CCDC7: variants seen among roughly 807,000 people sequenced by gnomAD.
The protein encoded by CCDC7 is coiled-coil domain-containing protein 7.
A neutral mutation model predicts 196.9 loss-of-function variants in CCDC7; 183 were observed. The ratio of observed to expected loss-of-function variants is 0.93; its 90% confidence interval spans 0.82 to 1.05. The LOEUF (loss-of-function observed/expected upper bound fraction) is 1.05, where lower values mean the gene tolerates loss of function less well. Among genes scored for constraint, CCDC7 ranks in the 50% least tolerant of loss-of-function variants. The probability of loss-of-function intolerance (pLI) is 0.00; values close to 1 mark genes in which losing one functional copy is unlikely to be tolerated. For synonymous variants in CCDC7, 525 were observed against 484.6 expected (o/e 1.08, Z -1.10); for missense variants, 1,540 against 1,482.2 (o/e 1.04, Z -0.64).
chr10:32,454,925 G>A (rs563939805), intron 2 of CCDC7, among the ~76,000 whole-genome samples: 4 of 152,232 alleles, frequency 2.6e-5, no homozygotes, highest in South Asian at 2.1e-4. Flanking sequence ...TTTAGTGTCC[G>A]AAATCCTCCT....
At chr10:32,847,557 A>G (rs915387244) in intron 37 of CCDC7, among the ~76,000 whole-genome samples, 2 of 152,148 alleles carry the variant, frequency 1.3e-5, no homozygotes, top group Non-Finnish European at 2.9e-5. Context: ...TCTACAAAAA[A>G]TACAAAAATT....
intron 32 of CCDC7, among the ~76,000 whole-genome samples, chr10:32,830,757 G>C (rs1395394993): frequency 1.3e-5 from 2 of 152,108 alleles, no homozygotes; most frequent in African/African-American, 4.8e-5. Flanking sequence ...TAAATTTAAA[G>C]TAATAGGATT....
intron 33 of CCDC7, among the ~76,000 whole-genome samples, chr10:32,839,558 G>T (rs1162654582): frequency 6.6e-6 from 1 of 151,912 alleles, no homozygotes; most frequent in Non-Finnish European, 1.5e-5. Flanking sequence ...AATAGTGGGG[G>T]ACTTTAATAC....
chr10:32,697,399 G>A (rs1357849105), intron 24 of CCDC7, among the ~76,000 whole-genome samples: 5 of 152,168 alleles, frequency 3.3e-5, no homozygotes, highest in Non-Finnish European at 5.9e-5. Flanking sequence ...AAGCACTAGG[G>A]GTCAGGGAAT....
intron 25 of CCDC7, among the ~76,000 whole-genome samples, chr10:32,712,551 A>G (rs1171038850): frequency 2.0e-5 from 3 of 152,204 alleles, no homozygotes. Flanking sequence ...CAGAAAGTTA[A>G]TGCTTCTTCC....
At chr10:32,454,609 A>G (rs2033902252) in intron 2 of CCDC7, among the ~76,000 whole-genome samples, 1 of 152,098 alleles carries the variant, frequency 6.6e-6, no homozygotes, top group Non-Finnish European at 1.5e-5. Context: ...ATAAAATAAA[A>G]TGAAATTAAG....
At chr10:32,824,400 TTTA>T in intron 31 of CCDC7, 115 bp from the exon 33 acceptor site, 1 of 574,994 alleles carries the variant, frequency 1.7e-6, no homozygotes, top group Non-Finnish European at 3.0e-6. Flanking sequence ...ATCTGGACAC[TTTA>T]TTATAATTCT....
intron 16 of CCDC7, among the ~76,000 whole-genome samples, chr10:32,577,514 C>T (rs1308769897): frequency 6.6e-6 from 1 of 152,216 alleles, no homozygotes; most frequent in East Asian, 1.9e-4. Context: ...GAAGTTTACC[C>T]AGTTTTGAAG....
At chr10:32,807,244 C>CTTAATT (rs1183254430) in intron 30 of CCDC7, among the ~76,000 whole-genome samples, 1 of 152,042 alleles carries the variant, frequency 6.6e-6, no homozygotes, top group East Asian at 1.9e-4. Flanking sequence ...TCTTTCTACT[C>CTTAATT]TTAATTTTAA....
At chr10:32,540,475 A>G (rs1028363504) in intron 11 of CCDC7, among the ~76,000 whole-genome samples, 2 of 152,108 alleles carry the variant, frequency 1.3e-5, no homozygotes, top group African/African-American at 4.8e-5. Context: ...TTCCTTTTCC[A>G]GCTTGCCACT....
chr10:32,650,958 G>A (rs1314943937), intron 20 of CCDC7, among the ~76,000 whole-genome samples: 8 of 152,176 alleles, frequency 5.3e-5, no homozygotes, highest in Non-Finnish European at 1.2e-4. Context: ...CGGGTCAGAT[G>A]TGCCCCAGTC....
chr10:32,800,522 G>A (rs954529778), intron 29 of CCDC7, among the ~76,000 whole-genome samples: 7 of 152,254 alleles, frequency 4.6e-5, no homozygotes, highest in Middle Eastern at 3.4e-3. Flanking sequence ...CTTAACTGGA[G>A]GATCACAATA....
At chr10:32,713,188 G>C (rs1285621831) in intron 25 of CCDC7, among the ~76,000 whole-genome samples, 1 of 152,218 alleles carries the variant, frequency 6.6e-6, no homozygotes, top group Non-Finnish European at 1.5e-5. Flanking sequence ...GGCCCAAAGG[G>C]ATCTACCCCA....
rs371884255 is a variant in CCDC7, at chr10:32,511,261, C to CGGGG, written c.873-6679_873-6676dup. 2.4e-3 allele frequency: 914 copies of CGGGG among 381,714 alleles called. 10 individuals carry two copies. The highest frequency in any genetic ancestry group is 4.3e-3 in the African/African-American group (87 of 20,104). 23.6% of individuals were successfully genotyped at this position (381,714 alleles called of 1,614,324 possible). ...TGCCACAGAATTATTCTGTGGGGGG[C>CGGGG]GGGGGGGGCGGGGAAATGTACTTTT... On this transcript the variant is annotated intron_variant, in intron 9 of 41. Coordinates refer to ENST00000639629, the Ensembl canonical transcript of CCDC7.
chr10:32,503,847 T>TA (rs1230679190), intron 9 of CCDC7, among the ~76,000 whole-genome samples: 2 of 152,070 alleles, frequency 1.3e-5, no homozygotes, highest in Non-Finnish European at 2.9e-5. Context: ...TCAGTCTTGG[T>TA]AGGTTGTATG....
intron 18 of CCDC7, among the ~76,000 whole-genome samples, chr10:32,598,112 A>G (rs1363644052): frequency 6.6e-6 from 1 of 152,190 alleles, no homozygotes; most frequent in Non-Finnish European, 1.5e-5. Flanking sequence ...GGTGGAGTCT[A>G]CAGAGGCAGG....
chr10:32,651,064 T>C (rs947151504), intron 20 of CCDC7, among the ~76,000 whole-genome samples: 1 of 152,106 alleles, frequency 6.6e-6, no homozygotes, highest in Non-Finnish European at 1.5e-5. Flanking sequence ...GGCTGAGCTT[T>C]GCTGGGACTG....
chr10:32,681,975 C>G (rs538947422), intron 21 of CCDC7, among the ~76,000 whole-genome samples: 1 of 152,184 alleles, frequency 6.6e-6, no homozygotes, highest in South Asian at 2.1e-4. Flanking sequence ...CGAATCCTGA[C>G]TAATCCACAA....
intron 20 of CCDC7, among the ~76,000 whole-genome samples, chr10:32,658,797 A>T (rs963417867): frequency 6.6e-6 from 1 of 152,200 alleles, no homozygotes. Context: ...ACATATTTCT[A>T]TGAATTTATA....
Sources: gnomAD v4.1 joint callset for allele counts (sites outside exome capture counted in the v4.1 genomes callset) on GRCh38, gnomAD v4.1.1 for gene constraint, MANE v1.5 for transcripts, NCBI Gene and HGNC (gene_info 2026-07-23, HGNC 2026-07-21) for gene names.